CLDN10: variants seen among roughly 807,000 people sequenced by gnomAD.
CLDN10 encodes claudin 10.
A neutral mutation model predicts 22.9 loss-of-function variants in CLDN10; 15 were observed. The ratio of observed to expected loss-of-function variants is 0.65; its 90% CI spans 0.44 to 1.01. The LOEUF (loss-of-function observed/expected upper bound fraction) is 1.01. CLDN10 is among the 50% of genes least tolerant of loss of function. The pLI is 0.00. For missense variants in CLDN10, 247 were observed against 287.8 expected, an observed-to-expected ratio of 0.86 and a Z score of 1.03; for synonymous variants, 114 against 111.4, an observed-to-expected ratio of 1.02 and a Z score of -0.15.
At chr13:95,554,728 G>A (rs1217373138) in intron 1 of CLDN10, among the ~76,000 whole-genome samples, 6 of 152,168 alleles carry the variant, frequency 3.9e-5, no homozygotes, top group Admixed American at 6.5e-5. Flanking sequence ...GTACTTAATA[G>A]AAGTGACTTG....
intron 1 of CLDN10, among the ~76,000 whole-genome samples, chr13:95,438,292 A>G (rs1385347279): frequency 6.6e-6 from 1 of 152,218 alleles, no homozygotes; most frequent in Admixed American, 6.5e-5. Flanking sequence ...CATGGTAAAG[A>G]CAGGGTCTTG....
intron 1 of CLDN10, among the ~76,000 whole-genome samples, chr13:95,453,693 A>AGAAAAAG (rs1232612856): frequency 1.4e-4 from 19 of 139,198 alleles, no homozygotes; most frequent in African/African-American, 4.5e-4. Flanking sequence ...AAAAAGAAAA[A>AGAAAAAG]GAAAAAAAAA....
At chr13:95,484,680 T>TA (rs2042783465) in intron 1 of CLDN10, among the ~76,000 whole-genome samples, 1 of 60,184 alleles carries the variant, frequency 1.7e-5, no homozygotes, top group Non-Finnish European at 3.1e-5. Context: ...CCGTCTCTAC[T>TA]AAAAATACAA....
chr13:95,566,282 A>C (rs1485190533), intron 3 of CLDN10, among the ~76,000 whole-genome samples: 5 of 152,038 alleles, frequency 3.3e-5, no homozygotes, highest in Non-Finnish European at 7.4e-5. Flanking sequence ...TCCTCCCCAG[A>C]ATCTGTTGTT....
At chr13:95,499,623 A>G (rs1419088928) in intron 1 of CLDN10, among the ~76,000 whole-genome samples, 2 of 152,226 alleles carry the variant, frequency 1.3e-5, no homozygotes, top group East Asian at 1.9e-4. Flanking sequence ...ACCGGGGCAG[A>G]CTGAGCGATC....
intron 1 of CLDN10, among the ~76,000 whole-genome samples, chr13:95,471,453 A>ATATATATATATATATTT (rs776857009): frequency 1.9e-5 from 2 of 106,412 alleles, no homozygotes; most frequent in Non-Finnish European, 3.6e-5. Flanking sequence ...ATATATATAT[A>ATATATATATATATATTT]TTTTTTTTTT....
chr13:95,520,619 C>T lies in CLDN10; in HGVS notation c.215-39513C>T, dbSNP rs768385291. ...AACTCCTGACCTCCGGTGATCCACCCGCCTCAGCCTCCTAAAGTGCTGGAA... is the reference window on the plus strand; with the variant it reads ...AACTCCTGACCTCCGGTGATCCACCTGCCTCAGCCTCCTAAAGTGCTGGAA... On this transcript the variant is annotated intron_variant, in intron 1 of 4. Coordinates refer to the CLDN10 transcript ENST00000376873. 8.5e-5 allele frequency among the ~76,000 whole-genome samples: 13 copies of T among 152,158 alleles called. No individual in the cohort carries two copies. In the East Asian group the frequency reaches 1.2e-3, roughly 14 times the overall value.
upstream of CLDN10, among the ~76,000 whole-genome samples, chr13:95,548,930 A>C (rs908878835): frequency 2.0e-5 from 3 of 152,234 alleles, no homozygotes; most frequent in Non-Finnish European, 4.4e-5. Flanking sequence ...ATCTCAAGTA[A>C]GGAATTTCTG....
At chr13:95,553,400 A>C (rs1335521407) in intron 1 of CLDN10, among the ~76,000 whole-genome samples, 3 of 152,092 alleles carry the variant, frequency 2.0e-5, no homozygotes, top group Non-Finnish European at 2.9e-5. Context: ...GTTCTGATAA[A>C]AATGGTGTCA....
chr13:95,570,883 T>TATATATATATAG (rs1491015387), intron 3 of CLDN10, among the ~76,000 whole-genome samples: 1 of 140,210 alleles, frequency 7.1e-6, no homozygotes, highest in Non-Finnish European at 1.6e-5. Context: ...TATATATATA[T>TATATATATATAG]AGACCAGTTT....
chr13:95,501,468 C>T (rs987105399), intron 1 of CLDN10, among the ~76,000 whole-genome samples: 1 of 152,216 alleles, frequency 6.6e-6, no homozygotes, highest in Admixed American at 6.5e-5. Context: ...TGTGTGCCAC[C>T]ATGCCCAGCT....
At chr13:95,515,511 T>C (rs1320310605) in intron 1 of CLDN10, among the ~76,000 whole-genome samples, 3 of 152,228 alleles carry the variant, frequency 2.0e-5, no homozygotes, top group Non-Finnish European at 4.4e-5. Context: ...CAGAATGGAC[T>C]GCCTTTTGTG....
chr13:95,438,338 C>T (rs2042291801), intron 1 of CLDN10, among the ~76,000 whole-genome samples: 1 of 152,204 alleles, frequency 6.6e-6, no homozygotes, highest in African/African-American at 2.4e-5. Context: ...CTCCTGGGCT[C>T]CAGTGATCCT....
At chr13:95,558,052 T>C (rs751328285) in intron 1 of CLDN10, among the ~76,000 whole-genome samples, 50 of 152,208 alleles carry the variant, frequency 3.3e-4, no homozygotes, top group Non-Finnish European at 6.5e-4. Context: ...GGAGTATATA[T>C]AAATGGATGA....
At position 95,560,412 on chromosome 13, in the gene CLDN10, A is replaced by G; in HGVS notation, c.413A>G (p.Tyr138Cys). The G allele has an allele frequency of 6.2e-7, 1 of 1,614,098 alleles. No homozygotes were observed. The highest frequency in any genetic ancestry group is 8.5e-7 in the Non-Finnish European group (1 of 1,179,936). Residue 138 changes from tyrosine to cysteine, a missense_variant, in exon 3 of 5, where the codon TAT becomes TGT. Transcript: ENST00000299339. ...TGCTCAATGACTGGATGTTCCCTAT[A>G]TGCAAACAAAATCACAACGGAATTC... ...GLCSMTGCSL[Y>C]ANKITTEFFD...
chr13:95,563,939 T>G (rs2043750934), intron 3 of CLDN10, among the ~76,000 whole-genome samples: 1 of 152,242 alleles, frequency 6.6e-6, no homozygotes, highest in South Asian at 2.1e-4. Flanking sequence ...TCAAATGTCA[T>G]CTTTAAAGCA....
intron 1 of CLDN10, among the ~76,000 whole-genome samples, chr13:95,546,717 GTAACAGACAC>G (rs2138632101): frequency 6.6e-6 from 1 of 152,206 alleles, no homozygotes; most frequent in East Asian, 1.9e-4. Flanking sequence ...TCTGCATTTG[GTAACAGACAC>G]TAGACTGTAT....
chr13:95,527,881 T>G (rs2043301250), intron 1 of CLDN10, among the ~76,000 whole-genome samples: 1 of 152,164 alleles, frequency 6.6e-6, no homozygotes, highest in Non-Finnish European at 1.5e-5. Flanking sequence ...GTGTGACATT[T>G]GTAGGGAAAA....
At chr13:95,474,332 A>G (rs1411315352) in intron 1 of CLDN10, among the ~76,000 whole-genome samples, 1 of 152,124 alleles carries the variant, frequency 6.6e-6, no homozygotes, top group Non-Finnish European at 1.5e-5. Flanking sequence ...CAGGAGGCGG[A>G]GCTCAGGTGG....
Sources: allele counts gnomAD v4.1 joint callset (sites outside exome capture counted in the v4.1 genomes callset), GRCh38; gene constraint gnomAD v4.1.1; transcripts MANE v1.5; gene names NCBI Gene and HGNC (gene_info 2026-07-23, HGNC 2026-07-21).